The following PATJ variants were observed in gnomAD, a reference collection of about 807,000 sequenced individuals.
PATJ encodes the protein inaD-like protein.
Under a neutral mutation model 224.9 loss-of-function variants are expected in PATJ, and 190 were observed. That is an observed-to-expected ratio of 0.84 (90% CI 0.75 to 0.95). PATJ has a LOEUF of 0.95. PATJ is among the 40% of genes least tolerant of loss of function. The pLI, the probability that PATJ is intolerant of heterozygous loss-of-function variation, is 0.00. For missense variants in PATJ, 2,121 were observed against 2,270.3 expected, an observed-to-expected ratio of 0.93 and a Z score of 1.34; for synonymous variants, 769 against 820.3, an observed-to-expected ratio of 0.94 and a Z score of 1.07.
chr1:61,978,286 A>C (rs1644260948), intron 27 of PATJ, among the ~76,000 whole-genome samples: 1 of 121,430 alleles, frequency 8.2e-6, no homozygotes, highest in South Asian at 2.8e-4. Context: ...TTTTTTTGAC[A>C]GAGTTTTTCG....
At chr1:61,884,103 T>G in intron 21 of PATJ, 134 bp from the exon 22 acceptor site, 1 of 507,752 alleles carries the variant, frequency 2.0e-6, no homozygotes, top group Non-Finnish European at 3.5e-6. Flanking sequence ...AAGCCTTTAT[T>G]TATTTACTTT....
intron 27 of PATJ, among the ~76,000 whole-genome samples, chr1:61,943,225 A>G (rs1678087877): frequency 1.3e-5 from 2 of 152,126 alleles, no homozygotes; most frequent in South Asian, 2.1e-4. Context: ...TGCATTTCCA[A>G]CTGTGGTACC....
chr1:62,155,077 A>G (rs906386882), intron 43 of PATJ, among the ~76,000 whole-genome samples: 2 of 152,168 alleles, frequency 1.3e-5, no homozygotes, highest in African/African-American at 4.8e-5. Flanking sequence ...AGTTCTTGGG[A>G]TAATTATTCT....
intron 1 of PATJ, among the ~76,000 whole-genome samples, chr1:61,757,469 C>T (rs1319251541): frequency 6.6e-6 from 1 of 152,106 alleles, no homozygotes; most frequent in East Asian, 1.9e-4. Flanking sequence ...ACTGCAGCCT[C>T]AACCTTCCTG....
rs750241109 is a variant in PATJ at position 61,842,776 on chromosome 1, G to GAAAAGAAAAAAAAGT, written c.2112+8993_2112+8994insAAGAAAAAAAAGTAA. On this transcript the variant is annotated intron_variant, in intron 17 of 43. Transcript: ENST00000642238. ...CAGAACAGCTATTAAAAAAAAAAAGGAATAGGAACAGTTAATCGAAAGAAG... is the reference window on the plus strand; with the variant it reads ...CAGAACAGCTATTAAAAAAAAAAAGGAAAAGAAAAAAAAGTAATAGGAACAGTTAATCGAAAGAAG... 1.9e-3 allele frequency among the ~76,000 whole-genome samples: 281 copies of GAAAAGAAAAAAAAGT among 151,442 alleles called. 1 individual carries two copies. The highest frequency in any genetic ancestry group is 9.9e-4 in the Non-Finnish European group (67 of 67,858).
At chr1:62,081,004 C>T (rs141375232) in intron 32 of PATJ, among the ~76,000 whole-genome samples, 1,663 of 152,200 alleles carry the variant, frequency 0.011, 28 homozygotes, top group African/African-American at 0.037. Flanking sequence ...TCAGTGTCCA[C>T]AAATACAGGT....
chr1:61,846,079 C>T (rs1661899081), intron 17 of PATJ: 1 of 152,148 alleles, frequency 6.6e-6, no homozygotes, highest in Non-Finnish European at 1.5e-5. Context: ...GTCCTTTTAA[C>T]ATCTTTTCCA....
At chr1:61,813,364 TATATATATATATATACAC>T (rs767974882) in intron 14 of PATJ, among the ~76,000 whole-genome samples, 2,874 of 50,700 alleles carry the variant, frequency 0.057, 81 homozygotes, top group Middle Eastern at 0.074. Flanking sequence ...TATATATATA[TATATATATATATATACAC>T]ACACACACAC....
intron 26 of PATJ, among the ~76,000 whole-genome samples, chr1:61,920,702 CTTTTTTTTTTTT>C (rs71582652): frequency 5.6e-5 from 5 of 89,508 alleles, no homozygotes; most frequent in African/African-American, 1.7e-4. Flanking sequence ...GTATGGAATT[CTTTTTTTTTTTT>C]TTTTTTTTTT....
At chr1:61,838,258 C>T (rs577483581) in intron 17 of PATJ, among the ~76,000 whole-genome samples, 102 of 152,252 alleles carry the variant, frequency 6.7e-4, no homozygotes, top group Non-Finnish European at 1.2e-3. Flanking sequence ...TTAGGAGATT[C>T]ACTGATCTCC....
chr1:61,850,730 C>T (rs970145880), intron 17 of PATJ, among the ~76,000 whole-genome samples: 4 of 152,236 alleles, frequency 2.6e-5, no homozygotes, highest in African/African-American at 9.6e-5. Flanking sequence ...CTGCCATTTA[C>T]CAGCCATGTG....
At chr1:62,024,405 T>G (rs1334460559) in intron 29 of PATJ, among the ~76,000 whole-genome samples, 1 of 152,194 alleles carries the variant, frequency 6.6e-6, no homozygotes, top group Non-Finnish European at 1.5e-5. Context: ...TATTCAGTTT[T>G]ACTCTTTCGT....
chr1:61,939,706 A>G (rs1677496679), intron 27 of PATJ, among the ~76,000 whole-genome samples: 1 of 61,122 alleles, frequency 1.6e-5, no homozygotes, highest in Admixed American at 2.2e-4. Context: ...TTTTTTTGAG[A>G]CGTTGTCGCC....
chr1:61,827,680 C>A, intron 16 of PATJ, 97 bp downstream of exon 16: 1 of 1,139,564 alleles, frequency 8.8e-7, no homozygotes, highest in Non-Finnish European at 1.2e-6. Flanking sequence ...GAAACCATTC[C>A]ACTCTGCTCT....
intron 27 of PATJ, among the ~76,000 whole-genome samples, chr1:61,955,019 C>T (rs892996222): frequency 1.3e-5 from 2 of 152,172 alleles, no homozygotes; most frequent in Non-Finnish European, 2.9e-5. Flanking sequence ...TCCCAAAGTG[C>T]TGGGATTACA....
intron 28 of PATJ, among the ~76,000 whole-genome samples, chr1:62,002,664 G>A (rs892408960): frequency 2.0e-5 from 3 of 147,536 alleles, no homozygotes; most frequent in South Asian, 2.1e-4. Context: ...AGCCAAGATC[G>A]TGCCACTGCA....
chr1:61,791,490 A>G, intron 9 of PATJ, 43 bp downstream of exon 9: 1 of 1,241,426 alleles, frequency 8.1e-7, no homozygotes, highest in Non-Finnish European at 1.2e-6. Flanking sequence ...ATTGTAAAGG[A>G]TGTTAAGGTT....
intron 27 of PATJ, among the ~76,000 whole-genome samples, chr1:61,985,755 G>T (rs1033983452): frequency 6.6e-6 from 1 of 151,944 alleles, no homozygotes; most frequent in Non-Finnish European, 1.5e-5. Context: ...TCCTCTAATG[G>T]TTCCCGCCAG....
chr1:62,151,000 G>T (rs1013493978), intron 42 of PATJ, among the ~76,000 whole-genome samples: 1 of 151,862 alleles, frequency 6.6e-6, no homozygotes, highest in East Asian at 2.0e-4. Context: ...TTAGCCAGAC[G>T]TGGTGGCACA....
Sources: gnomAD v4.1 joint callset for allele counts (sites outside exome capture counted in the v4.1 genomes callset) on GRCh38, gnomAD v4.1.1 for gene constraint, MANE v1.5 for transcripts, NCBI Gene and HGNC (gene_info 2026-07-23, HGNC 2026-07-21) for gene names.